Variants in ARHGAP6 observed in about 807,000 individuals in gnomAD.
ARHGAP6 encodes the protein Rho GTPase activating protein 6, also known as rho GTPase-activating protein 6.
A neutral mutation model predicts 55.7 loss-of-function variants in ARHGAP6; 16 were observed. That is an observed-to-expected ratio of 0.29 (90% confidence interval 0.19 to 0.44). ARHGAP6 has a LOEUF of 0.44. Among genes scored for constraint, ARHGAP6 ranks in the 20% least tolerant of loss-of-function variants. ARHGAP6 has a pLI of 1.00. For synonymous variants in ARHGAP6, 382 were observed against 360.9 expected, an observed-to-expected ratio of 1.06 and a Z score of -0.66; for missense variants, 698 against 808.9, an observed-to-expected ratio of 0.86 and a Z score of 1.66.
intron 2 of ARHGAP6, among the ~76,000 whole-genome samples, chrX:11,234,098 G>C (rs1220308346): frequency 8.9e-6 from 1 of 112,450 alleles, no homozygotes; most frequent in Non-Finnish European, 1.9e-5. Context: ...TAAGAGAAGG[G>C]AAGGAAAATA....
chrX:11,654,715 C>T (rs1367771319), intron 1 of ARHGAP6, among the ~76,000 whole-genome samples: 3 of 111,557 alleles, frequency 2.7e-5, no homozygotes, highest in Non-Finnish European at 3.8e-5. Context: ...AATCCCATGG[C>T]TGGCTGCCGA....
At chrX:11,382,887 A>G (rs947109550) in intron 1 of ARHGAP6, among the ~76,000 whole-genome samples, 1 of 112,552 alleles carries the variant, frequency 8.9e-6, no homozygotes, top group African/African-American at 3.2e-5. Context: ...TTATACGGAC[A>G]TCAAATTTCA....
At chrX:11,447,239 G>A (rs754689345) in intron 1 of ARHGAP6, among the ~76,000 whole-genome samples, 4 of 112,205 alleles carry the variant, frequency 3.6e-5, no homozygotes, top group African/African-American at 9.7e-5. Context: ...AAACCCATCT[G>A]TAGTTAGAAC....
intron 2 of ARHGAP6, among the ~76,000 whole-genome samples, chrX:11,251,014 T>A (rs1293951138): frequency 8.9e-6 from 1 of 112,119 alleles, no homozygotes; most frequent in Non-Finnish European, 1.9e-5. Context: ...TCCGATATGG[T>A]GTATTTAGCT....
chrX:11,546,660 C>A (rs1315389504), intron 1 of ARHGAP6, among the ~76,000 whole-genome samples: 1 of 111,857 alleles, frequency 8.9e-6, no homozygotes, highest in African/African-American at 3.2e-5. Flanking sequence ...CACTTGCTGG[C>A]AGCTTTCAAA....
intron 1 of ARHGAP6, among the ~76,000 whole-genome samples, chrX:11,542,118 A>C (rs1183533971): frequency 9.2e-6 from 1 of 108,317 alleles, no homozygotes; most frequent in African/African-American, 3.4e-5. Flanking sequence ...GGAGAAGACA[A>C]CTCTGGTTAA....
intron 1 of ARHGAP6, among the ~76,000 whole-genome samples, chrX:11,310,210 T>TAAAA (rs34393222): frequency 9.0e-5 from 8 of 89,141 alleles, no homozygotes; most frequent in African/African-American, 3.4e-4. Context: ...AGGATAGCTT[T>TAAAA]AAAAAAAAAA....
In ARHGAP6 at chrX:11,138,774, A is replaced by T. The variant is rs2045577864; in HGVS notation, c.*89T>A. ...CTTTTGAGAAGTGTGAAAGAAGAAC[A>T]CTAAGTGTGCCAGTGGCCACCACCC... On this transcript the variant is annotated 3_prime_UTR_variant, in exon 13 of 13. Transcript: ENST00000337414. 1.0e-6 allele frequency: 1 copy of T among 970,186 alleles called. No individual in the cohort carries two copies. The highest frequency in any genetic ancestry group is 1.4e-6 in the Non-Finnish European group (1 of 716,169). 80.0% of individuals were successfully genotyped at this position (970,186 alleles called of 1,213,427 possible).
rs767393567 is a variant in ARHGAP6, at chrX:11,664,226, A to C, written c.588+15T>G. 7 of 1,186,671 alleles carry C rather than the reference A, an allele frequency of 5.9e-6. No homozygotes were observed. Among genetic ancestry groups the C allele is most frequent in the Non-Finnish European group, 7.9e-6 (7 of 881,834 alleles). On this transcript the variant is annotated intron_variant, in intron 1 of 12. Transcript: ENST00000337414. ...CTCCTCCTTGGGCCGTGGGACGCGC[A>C]GCGCTGGTCCCTACCTCGGATTTCC...
chrX:11,159,908 CA>C (rs1270538184), intron 9 of ARHGAP6, among the ~76,000 whole-genome samples: 2 of 110,332 alleles, frequency 1.8e-5, no homozygotes, highest in Non-Finnish European at 3.8e-5. Context: ...GTATTTTTTC[CA>C]AAGATCATCA....
chrX:11,517,712 C>T (rs1165127190), intron 1 of ARHGAP6, among the ~76,000 whole-genome samples: 2 of 111,262 alleles, frequency 1.8e-5, no homozygotes, highest in Non-Finnish European at 3.8e-5. Context: ...AGCAAACTAA[C>T]ACAGCAACAG....
chrX:11,308,457 A>C (rs895132307), intron 1 of ARHGAP6, among the ~76,000 whole-genome samples: 3 of 111,972 alleles, frequency 2.7e-5, no homozygotes, highest in African/African-American at 9.8e-5. Flanking sequence ...TCTTTGCTGC[A>C]TGGAGTGGCC....
At chrX:11,310,038 T>C (rs928105692) in intron 1 of ARHGAP6, among the ~76,000 whole-genome samples, 1 of 108,573 alleles carries the variant, frequency 9.2e-6, no homozygotes, top group African/African-American at 3.4e-5. Context: ...TGCGTGCCCA[T>C]AGTTCCAGCT....
chrX:11,332,016 C>T (rs1476862516), intron 1 of ARHGAP6, among the ~76,000 whole-genome samples: 5 of 111,878 alleles, frequency 4.5e-5, no homozygotes, highest in African/African-American at 9.8e-5. Context: ...TACCCAAGTC[C>T]AAGGCTATTT....
rs1483682638 is a variant in ARHGAP6 at position 11,505,943 on chromosome X, C to G, written c.588+158298G>C. Reference sequence around the variant, plus strand: ...AAAAAAATAACTAGCAGGTACTATGCTTATTACCTGGGTGATGGAATAGTC... The same window carrying G: ...AAAAAAATAACTAGCAGGTACTATGGTTATTACCTGGGTGATGGAATAGTC... On this transcript the variant is annotated intron_variant, in intron 1 of 12. Transcript: ENST00000337414. Among the ~76,000 whole-genome samples, 4 of 111,050 alleles carry G rather than the reference C, an allele frequency of 3.6e-5. No individual in the cohort carries two copies. The Admixed American group carries it at 3.8e-4, about 11-fold the overall frequency.
intron 2 of ARHGAP6, among the ~76,000 whole-genome samples, chrX:11,216,551 G>T (rs1728445497): frequency 1.8e-5 from 2 of 111,782 alleles, no homozygotes; most frequent in South Asian, 7.5e-4. Flanking sequence ...TATTCAGGAG[G>T]CTGAGGCATG....
At chrX:11,572,742 T>C (rs1418269875) in intron 1 of ARHGAP6, among the ~76,000 whole-genome samples, 1 of 111,937 alleles carries the variant, frequency 8.9e-6, no homozygotes, top group East Asian at 2.8e-4. Flanking sequence ...TTTCTAGTTC[T>C]AGATCCCTGA....
At chrX:11,572,185 TTTTTA>T (rs1195363478) in intron 1 of ARHGAP6, among the ~76,000 whole-genome samples, 3 of 111,441 alleles carry the variant, frequency 2.7e-5, no homozygotes, top group Non-Finnish European at 3.8e-5. Context: ...TTTTTTTTAT[TTTTTA>T]TTTTATTATT....
intron 1 of ARHGAP6, among the ~76,000 whole-genome samples, chrX:11,442,320 A>G (rs2050047651): frequency 9.0e-6 from 1 of 111,429 alleles, no homozygotes. Context: ...TCTTAAAAAA[A>G]AAAAAAACTG....
Sources: allele counts gnomAD v4.1 joint callset (sites outside exome capture counted in the v4.1 genomes callset), GRCh38; gene constraint gnomAD v4.1.1; transcripts MANE v1.5; gene names NCBI Gene and HGNC (gene_info 2026-07-23, HGNC 2026-07-21).